The following PDCD6IP variants were observed in gnomAD, a reference collection of about 807,000 sequenced individuals.
PDCD6IP encodes programmed cell death 6 interacting protein, also known as programmed cell death 6-interacting protein.
In PDCD6IP, 43 loss-of-function variants were observed where a neutral mutation model predicts 103.7. The ratio of observed to expected loss-of-function variants is 0.41; its 90% confidence interval spans 0.32 to 0.53. PDCD6IP has a LOEUF of 0.53. PDCD6IP is among the 20% of genes least tolerant of loss of function. The pLI is 0.16. For synonymous variants in PDCD6IP, 354 were observed against 378.7 expected (o/e 0.93, Z 0.76); for missense variants, 871 against 1,036.7 (o/e 0.84, Z 2.20).
At chr3:33,844,601 C>T (rs1269942285) in intron 11 of PDCD6IP, among the ~76,000 whole-genome samples, 2 of 152,148 alleles carry the variant, frequency 1.3e-5, no homozygotes, top group Non-Finnish European at 2.9e-5. Context: ...CTACCTCAAC[C>T]TCCTGAGTAG....
chr3:33,804,262 G>T (rs751941830), intron 1 of PDCD6IP, among the ~76,000 whole-genome samples: 27 of 152,174 alleles, frequency 1.8e-4, no homozygotes, highest in Non-Finnish European at 3.1e-4. Context: ...CTCAGGTTCC[G>T]CACAGGAAGA....
rs1696817793 is a variant in PDCD6IP at position 33,815,099 on chromosome 3, ATG to A, written c.334+1473_334+1474del. Among the ~76,000 whole-genome samples, 12 of 149,014 alleles carry A rather than the reference ATG, an allele frequency of 8.1e-5. No individual in the cohort carries two copies. In the Admixed American group the frequency reaches 8.1e-4, roughly 10 times the overall value. Reference sequence around the variant, plus strand: ...TAGTATGTGCATACCATATACATACATGTATCTATATATCTTATATAAGGTTT... The same window carrying A: ...TAGTATGTGCATACCATATACATACATATCTATATATCTTATATAAGGTTT... On this transcript the variant is annotated intron_variant, in intron 3 of 17. Coordinates refer to ENST00000307296, the MANE Select transcript of PDCD6IP (RefSeq NM_013374.6).
Position 33,868,473 on chromosome 3 carries a change from C to T in PDCD6IP, c.*1948C>T, listed in dbSNP as rs1191173316. 1 of 152,736 alleles carries T rather than the reference C, an allele frequency of 6.5e-6. No individual in the cohort carries two copies. The highest frequency in any genetic ancestry group is 1.9e-4 in the East Asian group (1 of 5,190). 9.5% of individuals were successfully genotyped at this position (152,736 alleles called of 1,614,324 possible). A position where few individuals can be genotyped will look rare whatever the true frequency, so the allele number is the denominator to read the frequency against. ...CATTCAGAAACTAGGAAAGGAGGCC[C>T]CCACAGCTGATCCTGCCACAGCACA... is the stretch of plus-strand genomic sequence containing the variant. On this transcript the variant is annotated 3_prime_UTR_variant, in exon 18 of 18. Transcript: ENST00000307296.
At chr3:33,851,531 G>A (rs1034160390) in intron 12 of PDCD6IP, among the ~76,000 whole-genome samples, 2 of 152,064 alleles carry the variant, frequency 1.3e-5, no homozygotes, top group Admixed American at 6.5e-5. Flanking sequence ...GAGTGCAGTG[G>A]CATGATCATG....
At chr3:33,803,758 G>A (rs990589855) in intron 1 of PDCD6IP, among the ~76,000 whole-genome samples, 4 of 151,942 alleles carry the variant, frequency 2.6e-5, no homozygotes, top group African/African-American at 9.7e-5. Flanking sequence ...TTAAAACCAA[G>A]GCTTTTTGGT....
At chr3:33,825,384 A>T in intron 5 of PDCD6IP, 44 bp downstream of exon 5, 1 of 1,482,280 alleles carries the variant, frequency 6.7e-7, no homozygotes, top group Non-Finnish European at 9.2e-7. Flanking sequence ...AAAAAGTGAT[A>T]AGGCTTTTAA....
chr3:33,817,835 C>G (rs1038815547), intron 3 of PDCD6IP, among the ~76,000 whole-genome samples: 23 of 151,206 alleles, frequency 1.5e-4, no homozygotes, highest in African/African-American at 5.6e-4. Context: ...AGAAAGGCAT[C>G]TTTGAAAAAA....
intron 3 of PDCD6IP, among the ~76,000 whole-genome samples, chr3:33,816,503 T>TAAAAAAAAAA (rs57317946): frequency 1.7e-5 from 1 of 57,634 alleles, no homozygotes; most frequent in African/African-American, 6.9e-5. Flanking sequence ...AGATTCTGTC[T>TAAAAAAAAAA]AAAAAAAAAA....
chr3:33,854,275 AG>A (rs747500014), intron 14 of PDCD6IP, among the ~76,000 whole-genome samples: 1 of 152,234 alleles, frequency 6.6e-6, no homozygotes, highest in Non-Finnish European at 1.5e-5. Flanking sequence ...AGGAATTAGC[AG>A]AGATGTCAAT....
In PDCD6IP at chr3:33,864,129, G is replaced by A. The variant is rs372165139; in HGVS notation, c.2244G>A (p.Pro748=). Residue 748 remains proline, a splice_region_variant and synonymous_variant, in exon 16 of 18, where the codon CCG becomes CCA. Transcript: ENST00000307296. ...CAACTCCAGCGCCAAGAACCATGCC[G>A]GTTAGTAGGCAAATAAATATTTTAA... ...TPPTPAPRTM[P]PTKPQPPARP... 26 of 1,486,816 alleles carry A rather than the reference G, an allele frequency of 1.7e-5. No homozygotes were observed. In the Admixed American group the frequency reaches 3.6e-4, roughly 20 times the overall value. The allele number at this position is 1,486,816 out of a possible 1,614,324, so 92.1% of individuals were successfully genotyped here. A position where few individuals can be genotyped will look rare whatever the true frequency, so the allele number is the denominator to read the frequency against.
chr3:33,798,687 T>G lies in PDCD6IP; in HGVS notation c.-42T>G. 8.0e-6 allele frequency: 12 copies of G among 1,493,586 alleles called. No individual in the cohort carries two copies. Among genetic ancestry groups the G allele is most frequent in the Non-Finnish European group, 1.1e-5 (12 of 1,109,366 alleles). 92.5% of individuals were successfully genotyped at this position (1,493,586 alleles called of 1,614,324 possible). On this transcript the variant is annotated 5_prime_UTR_variant, in exon 1 of 18. Transcript: ENST00000307296. ...CTCTCTCCTCGGCCCTCGTAAGCTG[T>G]CCGCGGTCTGTTTGGCCCGAACGGC...
chr3:33,830,447 T>G (rs1697221409), intron 7 of PDCD6IP, among the ~76,000 whole-genome samples: 1 of 152,176 alleles, frequency 6.6e-6, no homozygotes, highest in Non-Finnish European at 1.5e-5. Flanking sequence ...CTTTTGAAAT[T>G]TAATCTCATT....
At chr3:33,807,096 A>G (rs1178119277) in intron 1 of PDCD6IP, among the ~76,000 whole-genome samples, 3 of 152,162 alleles carry the variant, frequency 2.0e-5, no homozygotes, top group Non-Finnish European at 2.9e-5. Flanking sequence ...TGTTCCCCCC[A>G]TACAGCTCAG....
intron 1 of PDCD6IP, among the ~76,000 whole-genome samples, chr3:33,800,901 TCTC>T (rs920539257): frequency 6.6e-6 from 1 of 152,194 alleles, no homozygotes; most frequent in African/African-American, 2.4e-5. Flanking sequence ...TGGATACGGT[TCTC>T]CTGTCAACTT....
chr3:33,848,145 T>C (rs915995601), intron 12 of PDCD6IP, among the ~76,000 whole-genome samples: 9 of 152,190 alleles, frequency 5.9e-5, no homozygotes, highest in African/African-American at 2.2e-4. Flanking sequence ...TATAGACATA[T>C]TGACAATGAC....
intron 3 of PDCD6IP, among the ~76,000 whole-genome samples, chr3:33,820,643 G>A (rs1348719878): frequency 6.6e-6 from 1 of 152,088 alleles, no homozygotes; most frequent in African/African-American, 2.4e-5. Context: ...ACTCATATAA[G>A]TGGAATCATA....
At position 33,864,079 on chromosome 3, in the gene PDCD6IP, G is replaced by C; in HGVS notation, c.2194G>C (p.Ala732Pro). Residue 732 changes from alanine to proline, a missense_variant, in exon 16 of 18, where the codon GCA becomes CCA. Coordinates refer to ENST00000307296, the MANE Select transcript of PDCD6IP (RefSeq NM_013374.6). ...IPTPAYQSSP[A>P]GGHAPTPPTP... is the part of the protein sequence containing the mutation. ...TACACCTGCGTATCAGTCCTCACCA[G>C]CAGGAGGACATGCACCAACTCCTCC... 1 of 1,613,686 alleles carries C rather than the reference G, an allele frequency of 6.2e-7. No homozygotes were observed. Among genetic ancestry groups the C allele is most frequent in the Non-Finnish European group, 8.5e-7 (1 of 1,179,602 alleles).
intron 5 of PDCD6IP, 130 bp from the exon 6 acceptor site, chr3:33,826,350 C>T (rs564798836): frequency 1.4e-4 from 92 of 649,040 alleles, no homozygotes; most frequent in Admixed American, 1.2e-3. Context: ...AAATTTTGTG[C>T]AGAAAATGTG....
intron 4 of PDCD6IP, among the ~76,000 whole-genome samples, chr3:33,823,134 A>T (rs1319540181): frequency 6.6e-6 from 1 of 152,204 alleles, no homozygotes; most frequent in East Asian, 1.9e-4. Flanking sequence ...ATGTCATATA[A>T]TGTCATTCCG....
Sources: allele counts gnomAD v4.1 joint callset (sites outside exome capture counted in the v4.1 genomes callset), GRCh38; gene constraint gnomAD v4.1.1; transcripts MANE v1.5; gene names NCBI Gene and HGNC (gene_info 2026-07-23, HGNC 2026-07-21).